Variants in USP32 observed in about 807,000 individuals in gnomAD.
USP32 encodes ubiquitin specific peptidase 32.
A neutral mutation model predicts 204.8 loss-of-function variants in USP32; 59 were observed. The observed-to-expected ratio is 0.29, with a 90% CI of 0.23 to 0.36. The LOEUF is 0.36. Ranked by LOEUF, USP32 falls within the 10% of genes least tolerant of loss-of-function variation. USP32 has a pLI of 1.00. For synonymous variants in USP32, 517 were observed against 678.4 expected (o/e 0.76, Z 3.70); for missense variants, 1,160 against 1,946.4 (o/e 0.60, Z 7.60).
At chr17:60,327,227 A>T (rs1396999702) in intron 2 of USP32, among the ~76,000 whole-genome samples, 1 of 152,202 alleles carries the variant, frequency 6.6e-6, no homozygotes, top group Non-Finnish European at 1.5e-5. Context: ...ACACGTATCT[A>T]AACATCACAC....
intron 1 of USP32, among the ~76,000 whole-genome samples, chr17:60,350,815 G>T (rs1598276219): frequency 6.6e-6 from 1 of 152,026 alleles, no homozygotes; most frequent in Admixed American, 6.6e-5. Flanking sequence ...CGGGTGATGG[G>T]TGCATTAAAA....
At position 60,223,453 on chromosome 17, in the gene USP32, C is replaced by T; in HGVS notation, c.1566G>A (p.Gly522=). 2 of 1,612,308 alleles carry T rather than the reference C, an allele frequency of 1.2e-6. No homozygotes were observed. Among genetic ancestry groups the T allele is most frequent in the South Asian group, 2.2e-5 (2 of 90,360 alleles). Residue 522 remains glycine (G), a synonymous_variant, in exon 14 of 34, where the codon GGG becomes GGA. Transcript: ENST00000300896. ...ILLHLNPQKP[G]AIDNQPLVTQ... is the part of the protein sequence containing the mutation. Reference sequence around the variant, plus strand: ...TTACTAATGGCTGATTATCAATAGCCCCTGGTTTCTGAGGGTTAAGGTGCA... The same window carrying T: ...TTACTAATGGCTGATTATCAATAGCTCCTGGTTTCTGAGGGTTAAGGTGCA...
intron 1 of USP32, among the ~76,000 whole-genome samples, chr17:60,404,367 T>G (rs934946210): frequency 6.6e-6 from 1 of 151,070 alleles, no homozygotes; most frequent in Non-Finnish European, 1.5e-5. Context: ...AAATAAAAAG[T>G]TTTTTTTTAA....
intron 6 of USP32, 130 bp downstream of exon 6, chr17:60,271,220 C>T (rs1237423365): frequency 2.5e-6 from 3 of 1,182,266 alleles, no homozygotes; most frequent in Non-Finnish European, 2.3e-6. Flanking sequence ...ATTTGTTTTT[C>T]CCCACTCCAT....
chr17:60,198,486 CCT>C (rs1598049591), intron 26 of USP32, 42 bp from the exon 27 acceptor site: 2 of 1,601,436 alleles, frequency 1.2e-6, no homozygotes, highest in Non-Finnish European at 1.7e-6. Context: ...AGAAGACAGG[CCT>C]CTGATTCCTC....
chr17:60,416,053 T>G (rs1434228774), intron 1 of USP32, among the ~76,000 whole-genome samples: 1 of 152,158 alleles, frequency 6.6e-6, no homozygotes, highest in East Asian at 1.9e-4. Context: ...TTGGCCAGAA[T>G]GGTCTCGATC....
intron 11 of USP32, among the ~76,000 whole-genome samples, chr17:60,239,328 T>C (rs1435450910): frequency 1.3e-5 from 2 of 152,098 alleles, no homozygotes; most frequent in African/African-American, 4.8e-5. Flanking sequence ...TCACTTTGTT[T>C]ATCTTTCTTT....
intron 1 of USP32, among the ~76,000 whole-genome samples, chr17:60,349,602 T>A (rs376675539): frequency 0.037 from 1,909 of 51,012 alleles, 70 homozygotes; most frequent in African/African-American, 0.13. Context: ...AAAAAATATA[T>A]ATATATATAT....
intron 9 of USP32, among the ~76,000 whole-genome samples, chr17:60,260,136 C>CAGAT (rs1271001576): frequency 6.6e-6 from 1 of 152,180 alleles, no homozygotes; most frequent in Non-Finnish European, 1.5e-5. Flanking sequence ...ACAATGCTAT[C>CAGAT]AGAACCATCA....
intron 3 of USP32, 53 bp downstream of exon 3, chr17:60,301,546 A>T (rs1232673350): frequency 8.7e-7 from 1 of 1,143,758 alleles, no homozygotes. Flanking sequence ...GAATTTTGAG[A>T]TAAATTATTC....
chr17:60,232,365 G>A (rs1297073864), intron 12 of USP32, among the ~76,000 whole-genome samples: 1 of 150,552 alleles, frequency 6.6e-6, no homozygotes, highest in Non-Finnish European at 1.5e-5. Context: ...TAGAGTCGGG[G>A]TTTCACCATG....
intron 10 of USP32, among the ~76,000 whole-genome samples, chr17:60,253,589 A>ATTTT (rs2086221397): frequency 2.0e-5 from 3 of 151,946 alleles, no homozygotes; most frequent in South Asian, 4.2e-4. Context: ...AACATGGTGA[A>ATTTT]ACCTCGTCTC....
At chr17:60,203,708 C>T (rs1285378089) in intron 26 of USP32, among the ~76,000 whole-genome samples, 2 of 152,086 alleles carry the variant, frequency 1.3e-5, no homozygotes, top group African/African-American at 4.8e-5. Flanking sequence ...TCCTGAGTAG[C>T]TAGGACTACC....
intron 2 of USP32, chr17:60,305,290 A>G (rs1326865341): frequency 1.3e-5 from 2 of 152,238 alleles, no homozygotes; most frequent in Non-Finnish European, 2.9e-5. Flanking sequence ...GGGAGCAGAG[A>G]ACAAGCATGT....
In USP32 at chr17:60,190,625, A is replaced by T. The variant is rs763287816; in HGVS notation, c.3580T>A (p.Tyr1194Asn). 1 of 1,606,748 alleles carries T rather than the reference A, an allele frequency of 6.2e-7. No individual in the cohort carries two copies. Among genetic ancestry groups the T allele is most frequent in the South Asian group, 1.1e-5 (1 of 88,820 alleles). The change falls in exon 29 of 34, where the codon TAT (tyrosine) becomes AAT (asparagine). Residue 1194 changes from tyrosine (Y) to asparagine (N), a missense_variant. Around this residue, in one of 8 missense-constraint regions of USP32, gnomAD observed 160 missense variants for 322.5 expected, o/e 0.50. Coordinates refer to ENST00000300896, the MANE Select transcript of USP32 (RefSeq NM_032582.4). Reference protein sequence around the residue: ...GEDRAFIGNAYIAVDWDPTAL... With the variant: ...GEDRAFIGNANIAVDWDPTAL... ...GTGGGATCCCAATCCACAGCGATAT[A>T]GGCATTTCCAATGAAAGCTCTGTCT...
intron 9 of USP32, among the ~76,000 whole-genome samples, chr17:60,256,433 GTTTTT>G (rs1224277281): frequency 6.6e-6 from 1 of 151,686 alleles, no homozygotes; most frequent in Non-Finnish European, 1.5e-5. Context: ...TAAGGTTTTT[GTTTTT>G]TTTCCACCCA....
In USP32 at chr17:60,406,216, C is replaced by G. The variant is rs1191464989; in HGVS notation, c.106+16030G>C. On this transcript the variant is annotated intron_variant, in intron 1 of 3. Coordinates refer to the USP32 transcript ENST00000588898. ...GAAAAAAAAAATTTTTTTTTGGAGACAGTCTTGTTCTTGTCATCCAGGGAC... is the reference window on the plus strand; with the variant it reads ...GAAAAAAAAAATTTTTTTTTGGAGAGAGTCTTGTTCTTGTCATCCAGGGAC... Among the ~76,000 whole-genome samples the G allele has an allele frequency of 2.1e-5, 3 of 142,188 alleles. No individual in the cohort carries two copies. The Admixed American group carries it at 2.1e-4, about 10-fold the overall frequency. 93.3% of individuals were successfully genotyped at this position (142,188 alleles called of 152,430 possible). A position where few individuals can be genotyped will look rare whatever the true frequency, so the allele number is the denominator to read the frequency against.
intron 2 of USP32, among the ~76,000 whole-genome samples, chr17:60,329,936 T>C (rs2088339930): frequency 6.6e-6 from 1 of 152,236 alleles, no homozygotes; most frequent in South Asian, 2.1e-4. Context: ...TAAGCAGTAT[T>C]ACTAGAGATC....
intron 29 of USP32, among the ~76,000 whole-genome samples, chr17:60,189,423 G>A (rs1431549745): frequency 6.6e-6 from 1 of 151,994 alleles, no homozygotes; most frequent in Non-Finnish European, 1.5e-5. Context: ...AATAGTAAAG[G>A]AAATTTCCAA....
Sources: gnomAD v4.1 joint callset for allele counts (sites outside exome capture counted in the v4.1 genomes callset) on GRCh38, gnomAD v4.1.1 for gene constraint, gnomAD v4.1.1 regional missense constraint, MANE v1.5 for transcripts, NCBI Gene and HGNC (gene_info 2026-07-23, HGNC 2026-07-21) for gene names.